The following ANO10 variants were observed in gnomAD, a reference collection of about 807,000 sequenced individuals.
ANO10 encodes anoctamin-10.
In ANO10, 77 loss-of-function variants were observed where a neutral mutation model predicts 74.7. That is an observed-to-expected ratio of 1.03 (90% CI 0.86 to 1.25). The LOEUF (loss-of-function observed/expected upper bound fraction) is 1.25, where lower values mean the gene tolerates loss of function less well. Among genes scored for constraint, ANO10 ranks in the 50% most tolerant of loss-of-function variants. The probability of loss-of-function intolerance (pLI) is 0.00; values close to 1 mark genes in which losing one functional copy is unlikely to be tolerated. For synonymous variants in ANO10, 279 were observed against 284.9 expected, an observed-to-expected ratio of 0.98 and a Z score of 0.21; for missense variants, 721 against 778.1, an observed-to-expected ratio of 0.93 and a Z score of 0.87.
intron 1 of ANO10, among the ~76,000 whole-genome samples, chr3:43,629,217 G>T (rs1201065934): frequency 6.6e-6 from 1 of 152,100 alleles, no homozygotes; most frequent in Non-Finnish European, 1.5e-5. Context: ...GTGACTATCG[G>T]GGCAGGTTCC....
In ANO10 at chr3:43,576,796, T is replaced by C. The variant is rs1339498668; in HGVS notation, c.1058A>G (p.Glu353Gly). ...CACATACAACAGGACACTGGTCCACTCAGACCCGCTGTTCTCATGTAGACC... is the reference window on the plus strand; with the variant it reads ...CACATACAACAGGACACTGGTCCACCCAGACCCGCTGTTCTCATGTAGACC... ...ALGLHENSGSEWTSVLLYVPS... is the reference protein window; with the variant it reads ...ALGLHENSGSGWTSVLLYVPS... The change falls in exon 6 of 13, where the codon GAG becomes GGG. Residue 353 changes from glutamate (E) to glycine (G), a missense_variant. Glu to Gly is a moderately conservative substitution (Grantham distance 98). Coordinates refer to ENST00000292246, the MANE Select transcript of ANO10 (RefSeq NM_018075.5). The C allele has an allele frequency of 6.2e-7, 1 of 1,614,002 alleles. No individual in the cohort carries two copies. The highest frequency in any genetic ancestry group is 1.3e-5 in the African/African-American group (1 of 74,912).
At chr3:43,376,637 A>G (rs1046093469) in intron 12 of ANO10, among the ~76,000 whole-genome samples, 1 of 152,206 alleles carries the variant, frequency 6.6e-6, no homozygotes, top group Non-Finnish European at 1.5e-5. Context: ...GACCAAAAAG[A>G]CAATGAAGGT....
intron 11 of ANO10, among the ~76,000 whole-genome samples, chr3:43,451,475 C>G (rs2148996677): frequency 6.6e-6 from 1 of 152,312 alleles, no homozygotes; most frequent in Admixed American, 6.5e-5. Flanking sequence ...CAAGAGCTTT[C>G]TCTAACGAAA....
Position 43,605,825 on chromosome 3 carries a change from T to A in ANO10, c.28A>T (p.Thr10Ser). The change falls in exon 2 of 13, where the codon ACT becomes TCT. Residue 10 changes from threonine (T) to serine (S), a missense_variant. Coordinates refer to ENST00000292246, the MANE Select transcript of ANO10 (RefSeq NM_018075.5). ...AAAGGTGTGAAAGAACTCTCAGAAG[T>A]ATCCAAAGCTGATAAGGTCACTTTC... The part of the protein sequence containing the change: MKVTLSALD[T>S]SESSFTPLVV... The A allele has an allele frequency of 6.2e-7, 1 of 1,613,786 alleles. No homozygotes were observed. Among genetic ancestry groups the A allele is most frequent in the East Asian group, 2.2e-5 (1 of 44,860 alleles).
At chr3:43,662,048 A>T (rs2083932563) in intron 1 of ANO10, among the ~76,000 whole-genome samples, 1 of 152,214 alleles carries the variant, frequency 6.6e-6, no homozygotes, top group South Asian at 2.1e-4. Flanking sequence ...GATCTGCACC[A>T]AGCGGACCTA....
chr3:43,579,660 A>G (rs1186798692), intron 5 of ANO10, among the ~76,000 whole-genome samples: 3 of 152,214 alleles, frequency 2.0e-5, no homozygotes, highest in African/African-American at 7.2e-5. Flanking sequence ...TGGAGGTTGC[A>G]GTGAGGTGAG....
intron 10 of ANO10, chr3:43,551,586 G>C (rs1169271331): frequency 2.2e-6 from 1 of 456,420 alleles, no homozygotes; most frequent in East Asian, 7.0e-5. Flanking sequence ...AACAAAATAT[G>C]ATCTGCTTTT....
At chr3:43,582,433 C>T (rs1020684350) in intron 4 of ANO10, among the ~76,000 whole-genome samples, 5 of 151,262 alleles carry the variant, frequency 3.3e-5, no homozygotes, top group Admixed American at 6.6e-5. Flanking sequence ...GGTGACAGAG[C>T]GAGACTCCGT....
At chr3:43,391,659 T>C (rs2092277656) in intron 12 of ANO10, among the ~76,000 whole-genome samples, 1 of 152,202 alleles carries the variant, frequency 6.6e-6, no homozygotes, top group South Asian at 2.1e-4. Context: ...TTCGCTCATT[T>C]GCTAGCTGTG....
intron 11 of ANO10, among the ~76,000 whole-genome samples, chr3:43,547,911 C>A (rs1187973675): frequency 6.6e-6 from 1 of 152,178 alleles, no homozygotes; most frequent in African/African-American, 2.4e-5. Flanking sequence ...TGAGCTCATC[C>A]AGCATTGCTC....
intron 1 of ANO10, among the ~76,000 whole-genome samples, chr3:43,628,386 C>G (rs1174481023): frequency 6.6e-6 from 1 of 152,168 alleles, no homozygotes; most frequent in Non-Finnish European, 1.5e-5. Context: ...CTATGCCTGT[C>G]TTTACTTTAA....
At chr3:43,559,051 T>G (rs2079899112) in intron 9 of ANO10, among the ~76,000 whole-genome samples, 2 of 152,198 alleles carry the variant, frequency 1.3e-5, no homozygotes, top group Non-Finnish European at 2.9e-5. Context: ...GAAGGCAAGG[T>G]CTTGAACCTT....
intron 11 of ANO10, among the ~76,000 whole-genome samples, chr3:43,456,920 T>C (rs2075155774): frequency 6.6e-6 from 1 of 152,228 alleles, no homozygotes; most frequent in African/African-American, 2.4e-5. Context: ...ATTTGTTACT[T>C]GTAAATCTTG....
intron 1 of ANO10, chr3:43,653,087 T>C (rs1411340511): frequency 6.6e-6 from 1 of 151,908 alleles, no homozygotes; most frequent in Non-Finnish European, 1.5e-5. Context: ...GGCACATGCC[T>C]GTAGTCCCAG....
At chr3:43,663,769 C>T (rs2083954239) in intron 1 of ANO10, among the ~76,000 whole-genome samples, 1 of 152,176 alleles carries the variant, frequency 6.6e-6, no homozygotes, top group Non-Finnish European at 1.5e-5. Flanking sequence ...CATGAGTGAA[C>T]TCCCATTCAC....
intron 9 of ANO10, among the ~76,000 whole-genome samples, chr3:43,556,840 T>C (rs1251149979): frequency 1.3e-5 from 2 of 152,258 alleles, no homozygotes; most frequent in Non-Finnish European, 1.5e-5. Context: ...TCTATTCAAA[T>C]TGTATTGAAC....
At chr3:43,461,568 T>C (rs1242489880) in intron 11 of ANO10, among the ~76,000 whole-genome samples, 1 of 152,166 alleles carries the variant, frequency 6.6e-6, no homozygotes, top group Non-Finnish European at 1.5e-5. Context: ...CTCATGTTAG[T>C]GAATAAGTCT....
intron 11 of ANO10, among the ~76,000 whole-genome samples, chr3:43,441,612 T>A (rs894168281): frequency 2.6e-5 from 4 of 152,108 alleles, no homozygotes; most frequent in Admixed American, 6.5e-5. Context: ...ACACCTCGAA[T>A]TCTTCCAAAA....
chr3:43,584,327 G>A (rs748219085), intron 4 of ANO10, among the ~76,000 whole-genome samples: 4 of 152,172 alleles, frequency 2.6e-5, no homozygotes, highest in Admixed American at 6.5e-5. Flanking sequence ...TAGAGCACAG[G>A]CATATAACTC....
Sources: allele counts gnomAD v4.1 joint callset (sites outside exome capture counted in the v4.1 genomes callset), GRCh38; gene constraint gnomAD v4.1.1; transcripts MANE v1.5; gene names NCBI Gene and HGNC (gene_info 2026-07-23, HGNC 2026-07-21).